MAML3: variants seen among roughly 807,000 people sequenced by gnomAD.
The protein encoded by MAML3 is mastermind like transcriptional coactivator 3, also known as mastermind-like protein 3.
In MAML3, 27 loss-of-function variants were observed where a neutral mutation model predicts 101.9. The ratio of observed to expected loss-of-function variants is 0.27; its 90% CI spans 0.20 to 0.37. MAML3 has a LOEUF of 0.37. MAML3 is among the 10% of genes least tolerant of loss of function. The pLI is 1.00. For missense variants in MAML3, 1,316 were observed against 1,444.9 expected, an observed-to-expected ratio of 0.91 and a Z score of 1.45; for synonymous variants, 501 against 555.9, an observed-to-expected ratio of 0.90 and a Z score of 1.39.
At chr4:140,057,254 C>T (rs921913650) in intron 1 of MAML3, among the ~76,000 whole-genome samples, 37 of 152,128 alleles carry the variant, frequency 2.4e-4, no homozygotes, top group South Asian at 2.1e-4. Flanking sequence ...GGCAACAGAA[C>T]GAGATCTTGT....
chr4:139,882,212 A>C (rs1271200484), intron 2 of MAML3, among the ~76,000 whole-genome samples: 1 of 152,168 alleles, frequency 6.6e-6, no homozygotes, highest in East Asian at 1.9e-4. Flanking sequence ...GGTTTAATAC[A>C]TAATAAACAG....
Position 139,890,902 on chromosome 4 carries a change from A to G in MAML3, c.534T>C (p.Asn178=). The G allele has an allele frequency of 6.2e-7, 1 of 1,613,670 alleles. No individual in the cohort carries two copies. Reference sequence around the variant, plus strand: ...GAGAAAAATTCCCATCACAAGCACCATTCTGCTGGTCTCCATTAAGTGGTG... The same window carrying G: ...GAGAAAAATTCCCATCACAAGCACCGTTCTGCTGGTCTCCATTAAGTGGTG... ...ARSPLNGDQQ[N]GACDGNFSPT... The change falls in exon 2 of 5, where the codon AAT becomes AAC. Residue 178 remains asparagine, a synonymous_variant. Transcript: ENST00000509479. This position sits in a 1 kb window ranked among gnomAD's most constrained non-coding sequence, Gnocchi z 4.1.
At chr4:139,858,327 C>A (rs1489164686) in intron 2 of MAML3, among the ~76,000 whole-genome samples, 1 of 152,098 alleles carries the variant, frequency 6.6e-6, no homozygotes, top group African/African-American at 2.4e-5. Context: ...GTACTGTATT[C>A]ATTATTCCTC....
At chr4:140,110,408 AC>A (rs1056141157) in intron 1 of MAML3, among the ~76,000 whole-genome samples, 185 of 152,254 alleles carry the variant, frequency 1.2e-3, no homozygotes, top group African/African-American at 4.2e-3. Flanking sequence ...CATTCTTCAC[AC>A]CTTTCCTTCA....
intron 1 of MAML3, among the ~76,000 whole-genome samples, chr4:139,961,888 T>G (rs1578618321): frequency 6.6e-6 from 1 of 152,042 alleles, no homozygotes; most frequent in African/African-American, 2.4e-5. Flanking sequence ...TTGAGGCAGG[T>G]GGATCACTTG....
intron 2 of MAML3, among the ~76,000 whole-genome samples, chr4:139,772,846 G>C (rs929143884): frequency 6.7e-6 from 1 of 150,088 alleles, no homozygotes; most frequent in Non-Finnish European, 1.5e-5. Context: ...TTGGGAGGCC[G>C]AGGAGGGCAG....
intron 1 of MAML3, among the ~76,000 whole-genome samples, chr4:140,071,978 G>C (rs1173689753): frequency 6.6e-6 from 1 of 152,148 alleles, no homozygotes; most frequent in Non-Finnish European, 1.5e-5. Flanking sequence ...TGGTGGACGT[G>C]GGGGAGGAAG....
chr4:139,719,232 A>C lies in MAML3; in HGVS notation c.*91T>G. 6.9e-7 allele frequency: 1 copy of C among 1,453,050 alleles called. No homozygotes were observed. Among genetic ancestry groups the C allele is most frequent in the Non-Finnish European group, 9.1e-7 (1 of 1,096,060 alleles). The allele number at this position is 1,453,050 out of a possible 1,614,324, so 90.0% of individuals were successfully genotyped here. The stretch of plus-strand genomic sequence containing the variant: ...TTTGCTCAGTTTACGTGGGTCAAAA[A>C]AACAAAAAACAAGGATGGGTCAACA... On this transcript the variant is annotated 3_prime_UTR_variant, in exon 5 of 5. Coordinates refer to ENST00000509479, the MANE Select transcript of MAML3 (RefSeq NM_018717.5).
At chr4:139,845,666 TA>T (rs982131123) in intron 2 of MAML3, among the ~76,000 whole-genome samples, 9 of 152,220 alleles carry the variant, frequency 5.9e-5, no homozygotes, top group African/African-American at 2.2e-4. Context: ...TTATCTGAAC[TA>T]AAGCACTTCA....
chr4:139,795,906 T>C (rs1343627821), intron 2 of MAML3, among the ~76,000 whole-genome samples: 2 of 152,250 alleles, frequency 1.3e-5, no homozygotes, highest in Admixed American at 6.5e-5. Context: ...ATTCTCTCTT[T>C]CTGTCTCTCA....
intron 2 of MAML3, among the ~76,000 whole-genome samples, chr4:139,824,265 T>C (rs1330530742): frequency 6.6e-6 from 1 of 152,224 alleles, no homozygotes; most frequent in Non-Finnish European, 1.5e-5. Context: ...TCAGAAAAGA[T>C]CCTACCTTAA....
At chr4:139,729,156 C>CAAAAAAAAAA (rs4057275) in intron 3 of MAML3, among the ~76,000 whole-genome samples, 3 of 81,704 alleles carry the variant, frequency 3.7e-5, no homozygotes, top group Admixed American at 1.4e-4. Context: ...GGAACAAAAG[C>CAAAAAAAAAA]AAAAAAAAAA....
chr4:140,072,109 G>C (rs1366581311), intron 1 of MAML3, among the ~76,000 whole-genome samples: 1 of 152,106 alleles, frequency 6.6e-6, no homozygotes, highest in African/African-American at 2.4e-5. Context: ...TAAAAGTGAA[G>C]AAAACCATTG....
At chr4:139,780,780 G>A (rs183952498) in intron 2 of MAML3, among the ~76,000 whole-genome samples, 6 of 151,972 alleles carry the variant, frequency 3.9e-5, no homozygotes, top group East Asian at 1.9e-4. Flanking sequence ...ACAAGTGCGC[G>A]CCACCATAGC....
chr4:139,902,722 A>G (rs1165165707), intron 1 of MAML3, among the ~76,000 whole-genome samples: 1 of 152,226 alleles, frequency 6.6e-6, no homozygotes, highest in African/African-American at 2.4e-5. Context: ...TCATCCCACC[A>G]GCTGAAATTC....
chr4:140,078,508 C>T (rs1417337978), intron 1 of MAML3, among the ~76,000 whole-genome samples: 2 of 152,138 alleles, frequency 1.3e-5, no homozygotes, highest in Non-Finnish European at 2.9e-5. Flanking sequence ...AGCTTCTCTG[C>T]TTTCAGGGAT....
chr4:139,857,903 C>A (rs757004312), intron 2 of MAML3, among the ~76,000 whole-genome samples: 3 of 152,024 alleles, frequency 2.0e-5, no homozygotes, highest in Admixed American at 6.6e-5. Flanking sequence ...TCTGAAAATC[C>A]AATTTCTTTC....
rs138669393 is a variant in MAML3 at position 139,772,817 on chromosome 4, C to T, written c.2080-42150G>A. Among the ~76,000 whole-genome samples the T allele has an allele frequency of 1.8e-3, 268 of 151,678 alleles. 1 individual carries two copies. The highest frequency in any genetic ancestry group is 6.0e-3 in the African/African-American group (249 of 41,348). ...ATAGGAAAGAATAAAGTATTGCTCA[C>T]GCCTGTAATCCCAGCACTTTGGGAG... is the stretch of plus-strand genomic sequence containing the variant. On this transcript the variant is annotated intron_variant, in intron 2 of 4. Coordinates refer to ENST00000509479, the MANE Select transcript of MAML3 (RefSeq NM_018717.5).
At chr4:139,946,915 ACACACACACACTCTCT>A (rs749865457) in intron 1 of MAML3, among the ~76,000 whole-genome samples, 18 of 123,008 alleles carry the variant, frequency 1.5e-4, no homozygotes, top group East Asian at 2.2e-4. Flanking sequence ...ACACACACAC[ACACACACACACTCTCT>A]CTCTCTCTCT....
Sources: allele counts gnomAD v4.1 joint callset (sites outside exome capture counted in the v4.1 genomes callset), GRCh38; gene constraint gnomAD v4.1.1; non-coding constraint Gnocchi (gnomAD v3.1); transcripts MANE v1.5; gene names NCBI Gene and HGNC (gene_info 2026-07-23, HGNC 2026-07-21).